Variants in CREB5 observed in about 807,000 individuals in gnomAD.
The protein encoded by CREB5 is cyclic AMP-responsive element-binding protein 5.
In CREB5, 19 loss-of-function variants were observed where a neutral mutation model predicts 57.1. The ratio of observed to expected loss-of-function variants is 0.33; its 90% CI spans 0.23 to 0.49. CREB5 has a LOEUF of 0.49. CREB5 is among the 20% of genes least tolerant of loss of function. The pLI is 0.99. For missense variants in CREB5, 579 were observed against 671.6 expected (o/e 0.86, Z 1.52); for synonymous variants, 238 against 238.3 (o/e 1.00, Z 0.01).
At chr7:28,501,557 C>A (rs993209897) in intron 3 of CREB5, among the ~76,000 whole-genome samples, 2 of 152,194 alleles carry the variant, frequency 1.3e-5, no homozygotes, top group Non-Finnish European at 2.9e-5. Context: ...AACCAGTCCC[C>A]TTTGACTAAG....
At chr7:28,313,060 TACTAAA>T (rs1785310685) in intron 1 of CREB5, among the ~76,000 whole-genome samples, 1 of 152,204 alleles carries the variant, frequency 6.6e-6, no homozygotes, top group Non-Finnish European at 1.5e-5. Context: ...ACATTGGAGT[TACTAAA>T]ACTGAGAGTG....
chr7:28,642,987 TACACACACACAC>T (rs1179446048), intron 5 of CREB5, among the ~76,000 whole-genome samples: 5 of 98,402 alleles, frequency 5.1e-5, no homozygotes, highest in East Asian at 4.2e-4. Flanking sequence ...CACACACACA[TACACACACACAC>T]ACACACACAC....
At chr7:28,713,749 T>TC (rs1380908368) in intron 5 of CREB5, among the ~76,000 whole-genome samples, 9 of 152,198 alleles carry the variant, frequency 5.9e-5, no homozygotes, top group African/African-American at 2.2e-4. Context: ...GCCTATAGGC[T>TC]CATCTGTTCA....
intron 7 of CREB5, among the ~76,000 whole-genome samples, chr7:28,754,902 G>A (rs1805206396): frequency 6.6e-6 from 1 of 152,106 alleles, no homozygotes; most frequent in Non-Finnish European, 1.5e-5. Context: ...ATGATACCAG[G>A]AATAACAACA....
chr7:28,729,546 G>C (rs941401755), intron 7 of CREB5, among the ~76,000 whole-genome samples: 3 of 152,182 alleles, frequency 2.0e-5, no homozygotes, highest in African/African-American at 2.4e-5. Flanking sequence ...GCCACCCACT[G>C]TCCAACAGAT....
At chr7:28,615,959 T>C (rs978220797) in intron 5 of CREB5, 1 of 152,220 alleles carries the variant, frequency 6.6e-6, no homozygotes, top group Non-Finnish European at 1.5e-5. Context: ...TACTTAAAAT[T>C]GGTTGACATG....
chr7:28,658,287 T>G (rs890884589), intron 5 of CREB5, among the ~76,000 whole-genome samples: 4 of 152,206 alleles, frequency 2.6e-5, no homozygotes, highest in African/African-American at 9.6e-5. Context: ...AAAATTCATT[T>G]TATGACCTAC....
intron 1 of CREB5, among the ~76,000 whole-genome samples, chr7:28,336,642 C>G (rs1172512594): frequency 6.6e-6 from 1 of 151,868 alleles, no homozygotes; most frequent in Non-Finnish European, 1.5e-5. Flanking sequence ...AAAAAACCAA[C>G]TTTTCATTTC....
At chr7:28,815,325 A>AATG (rs1486072202) in intron 9 of CREB5, among the ~76,000 whole-genome samples, 2 of 152,216 alleles carry the variant, frequency 1.3e-5, no homozygotes, top group African/African-American at 4.8e-5. Flanking sequence ...TATATCTTTA[A>AATG]ATGATGGTCA....
intron 1 of CREB5, among the ~76,000 whole-genome samples, chr7:28,441,588 G>GA (rs1789185467): frequency 6.6e-6 from 1 of 152,056 alleles, no homozygotes; most frequent in African/African-American, 2.4e-5. Flanking sequence ...ATTGTTCTTT[G>GA]AAAAAAATAA....
At chr7:28,628,778 G>T (rs1355473471) in intron 5 of CREB5, among the ~76,000 whole-genome samples, 1 of 152,104 alleles carries the variant, frequency 6.6e-6, no homozygotes, top group Non-Finnish European at 1.5e-5. Context: ...CCTCTGCTGT[G>T]ACCAAGTCCC....
At chr7:28,718,659 A>G in intron 5 of CREB5, 94 bp from the exon 6 acceptor site, 2 of 1,532,992 alleles carry the variant, frequency 1.3e-6, no homozygotes, top group South Asian at 2.4e-5. Flanking sequence ...GATCTGCTGC[A>G]CATGTGACAT....
chr7:28,698,371 A>AAAC (rs771303516), intron 5 of CREB5, among the ~76,000 whole-genome samples: 4 of 143,886 alleles, frequency 2.8e-5, no homozygotes, highest in Non-Finnish European at 3.0e-5. Context: ...AAAAAAAAAA[A>AAAC]CACACTCACA....
chr7:28,642,987 T>TACACACACACACAC (rs1179446048), intron 5 of CREB5, among the ~76,000 whole-genome samples: 41 of 98,312 alleles, frequency 4.2e-4, no homozygotes, highest in South Asian at 1.2e-3. Context: ...CACACACACA[T>TACACACACACACAC]ACACACACAC....
rs140209946 is a variant in CREB5 at position 28,500,480 on chromosome 7, T to C, written c.169+5481T>C. Reference sequence around the variant, plus strand: ...CAGATTCTCAGCACTCACCATTTGATAGAAAGCATCTAACATAAATGACAA... The same window carrying C: ...CAGATTCTCAGCACTCACCATTTGACAGAAAGCATCTAACATAAATGACAA... On this transcript the variant is annotated intron_variant, in intron 3 of 10. Coordinates refer to ENST00000357727, the MANE Select transcript of CREB5 (RefSeq NM_182898.4). Among the ~76,000 whole-genome samples the C allele has an allele frequency of 5.8e-3, 878 of 152,316 alleles. 8 individuals are homozygous for C. Among genetic ancestry groups the C allele is most frequent in the African/African-American group, 0.02 (827 of 41,564 alleles).
At chr7:28,796,208 A>G (rs6974956) in intron 7 of CREB5, among the ~76,000 whole-genome samples, 50,260 of 152,078 alleles carry the variant, frequency 0.33, 9,334 homozygotes, top group African/African-American at 0.51. Flanking sequence ...CTCAGCCTCC[A>G]GCAATAAGTA....
At chr7:28,304,095 A>G (rs143664835) in intron 1 of CREB5, among the ~76,000 whole-genome samples, 440 of 152,306 alleles carry the variant, frequency 2.9e-3, no homozygotes, top group African/African-American at 9.2e-3. Flanking sequence ...AGCAAGAATA[A>G]ACATAAGGCT....
intron 7 of CREB5, among the ~76,000 whole-genome samples, chr7:28,795,758 T>TC (rs1808000461): frequency 6.7e-6 from 1 of 150,062 alleles, no homozygotes; most frequent in African/African-American, 2.4e-5. Context: ...TTTCTTTCTT[T>TC]TTTTTTTTTT....
At chr7:28,522,754 C>G (rs1438773350) in intron 4 of CREB5, among the ~76,000 whole-genome samples, 1 of 152,176 alleles carries the variant, frequency 6.6e-6, no homozygotes, top group East Asian at 1.9e-4. Context: ...CGTCTTAGCT[C>G]TGGATTTGCC....
Sources: gnomAD v4.1 joint callset for allele counts (sites outside exome capture counted in the v4.1 genomes callset) on GRCh38, gnomAD v4.1.1 for gene constraint, MANE v1.5 for transcripts, NCBI Gene and HGNC (gene_info 2026-07-23, HGNC 2026-07-21) for gene names.